Variants in ADGRA3 observed in about 807,000 individuals in gnomAD.
ADGRA3 encodes adhesion G protein-coupled receptor A3, also known as G-protein coupled receptor 125.
In ADGRA3, 56 loss-of-function variants were observed where a neutral mutation model predicts 119.8. The ratio of observed to expected loss-of-function variants is 0.47; its 90% CI spans 0.38 to 0.58. ADGRA3 has a LOEUF of 0.58. ADGRA3 is among the 20% of genes least tolerant of loss of function. The pLI, the probability that ADGRA3 is intolerant of heterozygous loss-of-function variation, is 0.00. For missense variants in ADGRA3, 1,516 were observed against 1,649.0 expected, an observed-to-expected ratio of 0.92 and a Z score of 1.40; for synonymous variants, 607 against 623.8, an observed-to-expected ratio of 0.97 and a Z score of 0.40.
At chr4:22,466,751 G>A (rs1431198971) in intron 2 of ADGRA3, among the ~76,000 whole-genome samples, 3 of 151,884 alleles carry the variant, frequency 2.0e-5, no homozygotes, top group Admixed American at 6.6e-5. Flanking sequence ...TCTGCGCCCT[G>A]TCCTGTGGCA....
intron 1 of ADGRA3, among the ~76,000 whole-genome samples, chr4:22,476,663 T>C (rs1385672796): frequency 6.7e-6 from 1 of 150,240 alleles, no homozygotes; most frequent in Non-Finnish European, 1.5e-5. Flanking sequence ...TGGGTTTTTC[T>C]GTTTTGGGTT....
intron 14 of ADGRA3, 46 bp from the exon 15 acceptor site, chr4:22,402,845 A>C (rs781269211): frequency 5.1e-6 from 8 of 1,564,484 alleles, no homozygotes; most frequent in Non-Finnish European, 6.9e-6. Context: ...TTCTCTCCAC[A>C]TTTAACTACT....
chr4:22,428,281 TA>T (rs1278364671), intron 10 of ADGRA3, among the ~76,000 whole-genome samples: 1 of 151,966 alleles, frequency 6.6e-6, no homozygotes, highest in Admixed American at 6.6e-5. Flanking sequence ...AGACTCAGTT[TA>T]CTCATTTGTA....
chr4:22,416,964 A>C (rs539285079), intron 12 of ADGRA3, among the ~76,000 whole-genome samples: 121 of 152,326 alleles, frequency 7.9e-4, no homozygotes, highest in Admixed American at 2.0e-3. Flanking sequence ...AAATTTTCAG[A>C]AATCTTTATG....
chr4:22,485,453 C>G (rs1718406086), intron 1 of ADGRA3, among the ~76,000 whole-genome samples: 1 of 151,672 alleles, frequency 6.6e-6, no homozygotes, highest in Non-Finnish European at 1.5e-5. Context: ...TTTCTTTAAT[C>G]AGTTGCTCTG....
At position 22,424,366 on chromosome 4, in the gene ADGRA3, AG is replaced by A. The variant is rs1560309835; in HGVS notation, c.1444-15del. 2.5e-6 allele frequency: 4 copies of A among 1,605,280 alleles called. No homozygotes were observed. The South Asian group carries it at 4.4e-5, about 18-fold the overall frequency. ...CACGTCACCTAGCTAGCAGGGGTTC[AG>A]GAGAAAAAAGAAAGATCTTTAAAAC... On this transcript the variant is annotated splice_polypyrimidine_tract_variant and intron_variant, in intron 10 of 18. Transcript: ENST00000334304.
Position 22,388,902 on chromosome 4 carries a change from T to C in ADGRA3, c.2769A>G (p.Pro923=). 1 of 1,614,146 alleles carries C rather than the reference T, an allele frequency of 6.2e-7. No homozygotes were observed. Among genetic ancestry groups the C allele is most frequent in the Non-Finnish European group, 8.5e-7 (1 of 1,180,004 alleles). Residue 923 remains proline, a synonymous_variant, in exon 19 of 19, where the codon CCA becomes CCG. Transcript: ENST00000334304. ...AGTTTACAAAAGTGATGAAGCTGGC[T>C]GGCCCATAGAAGGCTCCCAAGGAGG... ...WEPSLGAFYG[P]ASFITFVNCM...
intron 16 of ADGRA3, chr4:22,394,362 G>A (rs1315112820): frequency 6.6e-6 from 1 of 152,166 alleles, no homozygotes; most frequent in Non-Finnish European, 1.5e-5. Flanking sequence ...GTGGGATCAA[G>A]TTTGGCCCAA....
intron 17 of ADGRA3, among the ~76,000 whole-genome samples, chr4:22,392,035 C>T (rs759368218): frequency 2.6e-5 from 4 of 152,190 alleles, no homozygotes; most frequent in Admixed American, 6.5e-5. Flanking sequence ...GGCCCAGGGC[C>T]AGTGACATAT....
chr4:22,427,097 G>A (rs967331887), intron 10 of ADGRA3, among the ~76,000 whole-genome samples: 1 of 152,166 alleles, frequency 6.6e-6, no homozygotes, highest in Non-Finnish European at 1.5e-5. Context: ...ACTGTTATTT[G>A]AAGATTTTAT....
chr4:22,455,724 T>C (rs1717213283), intron 3 of ADGRA3: 1 of 810,084 alleles, frequency 1.2e-6, no homozygotes, highest in Middle Eastern at 2.8e-4. Flanking sequence ...ACAATTTTAT[T>C]TTTACATTTA....
At chr4:22,447,593 A>G (rs1442996536) in intron 4 of ADGRA3, 82 bp from the exon 5 acceptor site, 2 of 801,290 alleles carry the variant, frequency 2.5e-6, no homozygotes, top group Non-Finnish European at 4.0e-6. Context: ...AAAGCATCCT[A>G]CAGTCATTAA....
At chr4:22,397,175 CTTTTTTTTTT>C (rs56918685) in intron 16 of ADGRA3, among the ~76,000 whole-genome samples, 7 of 93,226 alleles carry the variant, frequency 7.5e-5, no homozygotes, top group East Asian at 3.1e-4. Flanking sequence ...TACTGTAATT[CTTTTTTTTTT>C]TTTTTTTTTT....
At chr4:22,484,606 A>C (rs1244247858) in intron 1 of ADGRA3, among the ~76,000 whole-genome samples, 19 of 103,042 alleles carry the variant, frequency 1.8e-4, no homozygotes, top group African/African-American at 6.1e-4. Context: ...CCCTGTTTCC[A>C]AAAAAAAAAA....
chr4:22,408,264 G>A (rs1157006068), intron 14 of ADGRA3, among the ~76,000 whole-genome samples: 1 of 151,694 alleles, frequency 6.6e-6, no homozygotes, highest in Non-Finnish European at 1.5e-5. Flanking sequence ...TTCTTAAACA[G>A]CATTAACTAA....
chr4:22,387,764 C>G lies in ADGRA3; in HGVS notation c.3907G>C (p.Gly1303Arg). The G allele has an allele frequency of 6.2e-7, 1 of 1,614,016 alleles. No individual in the cohort carries two copies. The highest frequency in any genetic ancestry group is 1.1e-5 in the South Asian group (1 of 91,062). ...CTAACATTGCCAGTGCTATCGGTACCGAGCAAGGGTCCCTCCTGCCCATTG... is the reference window on the plus strand; with the variant it reads ...CTAACATTGCCAGTGCTATCGGTACGGAGCAAGGGTCCCTCCTGCCCATTG... The part of the protein sequence containing the change: ...KSNGQEGPLL[G>R]TDSTGNVRTG... The change falls in exon 19 of 19, where the codon GGT becomes CGT. Residue 1303 changes from glycine (G) to arginine (R), a missense_variant. By Grantham distance (125) the Gly-to-Arg change is moderately radical. Coordinates refer to ENST00000334304, the MANE Select transcript of ADGRA3 (RefSeq NM_145290.4).
chr4:22,470,218 T>C (rs1264452707), intron 2 of ADGRA3, among the ~76,000 whole-genome samples: 2 of 151,826 alleles, frequency 1.3e-5, no homozygotes, highest in African/African-American at 4.8e-5. Context: ...GCAAACTATG[T>C]TCAAAAAGGT....
At chr4:22,414,567 A>G (rs1205595516) in intron 12 of ADGRA3, 2 of 693,654 alleles carry the variant, frequency 2.9e-6, no homozygotes, top group South Asian at 1.5e-5. Flanking sequence ...CTTGGCTTCT[A>G]ACCTCTCTTC....
intron 8 of ADGRA3, among the ~76,000 whole-genome samples, chr4:22,437,030 T>C (rs1348629103): frequency 6.6e-6 from 1 of 152,196 alleles, no homozygotes; most frequent in African/African-American, 2.4e-5. Context: ...CATTGATCTA[T>C]AAACATTTAA....
Sources: gnomAD v4.1 joint callset for allele counts (sites outside exome capture counted in the v4.1 genomes callset) on GRCh38, gnomAD v4.1.1 for gene constraint, MANE v1.5 for transcripts, NCBI Gene and HGNC (gene_info 2026-07-23, HGNC 2026-07-21) for gene names.